Variants in SLC24A4 observed in about 807,000 individuals in gnomAD.
SLC24A4 encodes the protein sodium/potassium/calcium exchanger 4.
SLC24A4 carries 53 observed loss-of-function variants against 79.0 expected under a neutral mutation model. That is an observed-to-expected ratio of 0.67 (90% CI 0.54 to 0.84). The LOEUF (loss-of-function observed/expected upper bound fraction) is 0.84, where lower values mean the gene tolerates loss of function less well. SLC24A4 is among the 40% of genes least tolerant of loss of function. The pLI, the probability that SLC24A4 is intolerant of heterozygous loss-of-function variation, is 0.00. For synonymous variants in SLC24A4, 323 were observed against 323.8 expected (o/e 1.00, Z 0.03); for missense variants, 731 against 822.0 (o/e 0.89, Z 1.35).
rs756169102 is a variant in SLC24A4, at chr14:92,456,471, A to G, written c.1118A>G (p.Asn373Ser). The change falls in exon 12 of 17, where the codon AAC becomes AGC. Residue 373 changes from asparagine to serine, a missense_variant. Coordinates refer to ENST00000532405, the MANE Select transcript of SLC24A4 (RefSeq NM_153646.4). ...CCGCTTCAAAACGGGAGGCACGAGAACATTGAGAACGGGAATGTTCCTGTG... is the reference window on the plus strand; with the variant it reads ...CCGCTTCAAAACGGGAGGCACGAGAGCATTGAGAACGGGAATGTTCCTGTG... Reference protein sequence around the residue: ...SKPLQNGRHENIENGNVPVEN... With the variant: ...SKPLQNGRHESIENGNVPVEN... The G allele has an allele frequency of 6.8e-6, 11 of 1,614,222 alleles. No individual in the cohort carries two copies. The East Asian group carries it at 2.2e-4, about 33-fold the overall frequency.
At chr14:92,465,491 G>A (rs980974594) in intron 12 of SLC24A4, among the ~76,000 whole-genome samples, 4 of 152,196 alleles carry the variant, frequency 2.6e-5, no homozygotes, top group Admixed American at 2.0e-4. Flanking sequence ...AGAGCTTCAG[G>A]GTGGGGGCTG....
intron 2 of SLC24A4, among the ~76,000 whole-genome samples, chr14:92,388,641 G>A (rs1034980636): frequency 6.6e-6 from 1 of 152,202 alleles, no homozygotes; most frequent in Non-Finnish European, 1.5e-5. Context: ...CGTGCCTCCT[G>A]TTCCCCTCTG....
At chr14:92,409,059 G>T (rs1890559513) in intron 2 of SLC24A4, among the ~76,000 whole-genome samples, 1 of 152,156 alleles carries the variant, frequency 6.6e-6, no homozygotes, top group South Asian at 2.1e-4. Flanking sequence ...CTTTGGCTGG[G>T]GTTTCTATAG....
At chr14:92,439,135 A>G (rs561176940) in intron 3 of SLC24A4, among the ~76,000 whole-genome samples, 200 bp from the exon 4 acceptor site, 1 of 152,304 alleles carries the variant, frequency 6.6e-6, no homozygotes, top group African/African-American at 2.4e-5. Flanking sequence ...TCAGCATGTT[A>G]TCTCCTCTCT....
intron 2 of SLC24A4, among the ~76,000 whole-genome samples, chr14:92,374,228 G>A (rs66753927): frequency 0.055 from 8,359 of 152,234 alleles, 289 homozygotes; most frequent in East Asian, 0.08. Flanking sequence ...TTACCTCACC[G>A]TTCCTGAGGT....
rs375669499 is a variant in SLC24A4 at position 92,330,642 on chromosome 14, T to G, written c.241+4664T>G. ...AGCAGACATTTCTTTCTCATGGTTG[T>G]GGAGGCTGGCAAATCCAAGATCAAG... On this transcript the variant is annotated intron_variant, in intron 2 of 16. Coordinates refer to ENST00000532405, the MANE Select transcript of SLC24A4 (RefSeq NM_153646.4). Among the ~76,000 whole-genome samples the G allele has an allele frequency of 3.5e-4, 53 of 152,358 alleles. 2 individuals carry two copies. The highest frequency in any genetic ancestry group is 9.4e-4 in the African/African-American group (39 of 41,588).
intron 12 of SLC24A4, among the ~76,000 whole-genome samples, chr14:92,461,126 T>C (rs1223209992): frequency 6.6e-6 from 1 of 152,212 alleles, no homozygotes; most frequent in Non-Finnish European, 1.5e-5. Context: ...GCAGCTTGTT[T>C]GCTTGTTGTG....
chr14:92,341,694 C>T (rs1478253044), intron 2 of SLC24A4, among the ~76,000 whole-genome samples: 1 of 152,132 alleles, frequency 6.6e-6, no homozygotes, highest in Non-Finnish European at 1.5e-5. Context: ...ACCTTTGCCT[C>T]AAACAGTCTC....
chr14:92,457,593 T>C (rs953146958), intron 12 of SLC24A4: 5 of 152,694 alleles, frequency 3.3e-5, no homozygotes, highest in Non-Finnish European at 7.3e-5. Flanking sequence ...ATCCGTCAAA[T>C]GAATCCAGGC....
At position 92,372,980 on chromosome 14, in the gene SLC24A4, CCTCTCCCT is replaced by C. The variant is rs1888281603; in HGVS notation, c.241+47008_241+47015del. On this transcript the variant is annotated intron_variant, in intron 2 of 16. Coordinates refer to ENST00000532405, the MANE Select transcript of SLC24A4 (RefSeq NM_153646.4). The stretch of plus-strand genomic sequence containing the variant: ...CTCCCTCTCTCTCTCTCCCCCCCTC[CCTCTCCCT>C]CTCTCTCTCTTCTTTCTTTCTTTCT... Among the ~76,000 whole-genome samples the C allele has an allele frequency of 9.4e-5, 13 of 138,110 alleles. 2 individuals carry two copies. In the East Asian group the frequency reaches 1.8e-3, roughly 19 times the overall value. 90.6% of individuals were successfully genotyped at this position (138,110 alleles called of 152,430 possible). A position where few individuals can be genotyped will look rare whatever the true frequency, so the allele number is the denominator to read the frequency against.
chr14:92,429,458 T>C, intron 2 of SLC24A4, among the ~76,000 whole-genome samples: 1 of 152,272 alleles, frequency 6.6e-6, no homozygotes, highest in South Asian at 2.1e-4. Flanking sequence ...AGCAGTCACT[T>C]GTATTAAATG....
At position 92,433,961 on chromosome 14, in the gene SLC24A4, C is replaced by T. The variant is rs572784658; in HGVS notation, c.291C>T (p.His97=). 3.5e-5 allele frequency: 56 copies of T among 1,614,208 alleles called. No individual in the cohort carries two copies. The Middle Eastern group carries it at 6.6e-4, about 19-fold the overall frequency. The part of the protein sequence containing the change: ...TDLFSNKERQ[H]GAVLLHILGA... ...TGTTCTCCAATAAGGAGCGACAGCA[C>T]GGAGCCGTCCTGCTGCACATCCTTG... The change falls in exon 3 of 17, where the codon CAC becomes CAT. Residue 97 remains histidine, a synonymous_variant. Coordinates refer to ENST00000532405, the MANE Select transcript of SLC24A4 (RefSeq NM_153646.4).
rs1430436949 is a variant in SLC24A4 at position 92,398,258 on chromosome 14, G to A, written c.242-35654G>A. On this transcript the variant is annotated intron_variant, in intron 2 of 16. Transcript: ENST00000532405. The surrounding 1 kb of genome is among the most constrained non-coding windows in gnomAD (Gnocchi z 4.1). ...TTAGCAACAGGACAGTTGAGTGCTA[G>A]ACTAAGGATGCCCTTATCTTCGGAG... 6.6e-6 allele frequency among the ~76,000 whole-genome samples: 1 copy of A among 152,200 alleles called. No homozygotes were observed. The highest frequency in any genetic ancestry group is 1.5e-5 in the Non-Finnish European group (1 of 68,040).
At chr14:92,444,238 A>G (rs1892663190) in intron 7 of SLC24A4, among the ~76,000 whole-genome samples, 1 of 152,186 alleles carries the variant, frequency 6.6e-6, no homozygotes, top group African/African-American at 2.4e-5. Flanking sequence ...AATATAATCT[A>G]TAATAAAAGA....
chr14:92,324,174 C>T (rs1054646913), intron 1 of SLC24A4, among the ~76,000 whole-genome samples: 1 of 151,828 alleles, frequency 6.6e-6, no homozygotes, highest in Admixed American at 6.5e-5. Context: ...CGAGCGGCCC[C>T]TGGGGGGGCT....
intron 2 of SLC24A4, among the ~76,000 whole-genome samples, chr14:92,412,827 G>A (rs1443856487): frequency 6.6e-6 from 1 of 152,258 alleles, no homozygotes; most frequent in South Asian, 2.1e-4. Flanking sequence ...TACAGCCTGC[G>A]GGTCAAATTC....
At chr14:92,442,847 G>A (rs1177201183) in intron 6 of SLC24A4, 31 bp downstream of exon 6, 2 of 1,556,702 alleles carry the variant, frequency 1.3e-6, no homozygotes, top group African/African-American at 1.4e-5. Context: ...CCCGGCAGAT[G>A]CATGCCCTGA....
At chr14:92,493,136 A>G (rs1895789249) in intron 16 of SLC24A4, among the ~76,000 whole-genome samples, 1 of 152,048 alleles carries the variant, frequency 6.6e-6, no homozygotes, top group South Asian at 2.1e-4. Flanking sequence ...TAAAGCCCCC[A>G]TTTGTCTCTA....
intron 12 of SLC24A4, among the ~76,000 whole-genome samples, chr14:92,462,950 G>A (rs549861616): frequency 1.3e-5 from 2 of 152,286 alleles, no homozygotes; most frequent in South Asian, 2.1e-4. Flanking sequence ...TTGGGAGCTC[G>A]TAAGGGAATT....
Sources: allele counts gnomAD v4.1 joint callset (sites outside exome capture counted in the v4.1 genomes callset), GRCh38; gene constraint gnomAD v4.1.1; non-coding constraint Gnocchi (gnomAD v3.1); transcripts MANE v1.5; gene names NCBI Gene and HGNC (gene_info 2026-07-23, HGNC 2026-07-21).